The following CREB3L2 variants were observed in gnomAD, a reference collection of about 807,000 sequenced individuals.
The protein encoded by CREB3L2 is cyclic AMP-responsive element-binding protein 3-like protein 2.
Under a neutral mutation model 57.2 loss-of-function variants are expected in CREB3L2, and 23 were observed. That is an observed-to-expected ratio of 0.40 (90% CI 0.29 to 0.57). The LOEUF is 0.57. Among genes scored for constraint, CREB3L2 ranks in the 20% least tolerant of loss-of-function variants. The pLI is 0.42. For missense variants in CREB3L2, 628 were observed against 634.7 expected, an observed-to-expected ratio of 0.99 and a Z score of 0.11; for synonymous variants, 268 against 265.1, an observed-to-expected ratio of 1.01 and a Z score of -0.11.
intron 6 of CREB3L2, 116 bp from the exon 7 acceptor site, chr7:137,904,133 C>A: frequency 1.2e-6 from 1 of 850,300 alleles, no homozygotes; most frequent in Non-Finnish European, 2.0e-6. Flanking sequence ...CTGCAAGCTG[C>A]TTGCCATTTG....
At chr7:137,909,822 CAT>C (rs1799969764) in intron 4 of CREB3L2, among the ~76,000 whole-genome samples, 1 of 152,188 alleles carries the variant, frequency 6.6e-6, no homozygotes, top group African/African-American at 2.4e-5. Context: ...ATAATTCCCA[CAT>C]GTGGTGGGAG....
chr7:137,887,983 T>C (rs774809494), intron 8 of CREB3L2, among the ~76,000 whole-genome samples: 2 of 152,204 alleles, frequency 1.3e-5, no homozygotes, highest in Non-Finnish European at 2.9e-5. Flanking sequence ...GATAAAGTCT[T>C]GCTCTGTCGC....
At chr7:137,975,874 A>G (rs1801599321) in intron 1 of CREB3L2, among the ~76,000 whole-genome samples, 1 of 152,250 alleles carries the variant, frequency 6.6e-6, no homozygotes, top group African/African-American at 2.4e-5. Flanking sequence ...TTTGCCCTTA[A>G]AAGGCTGACC....
intron 1 of CREB3L2, among the ~76,000 whole-genome samples, chr7:137,969,644 TCCGG>T (rs1801470819): frequency 6.6e-6 from 1 of 151,836 alleles, no homozygotes; most frequent in Non-Finnish European, 1.5e-5. Flanking sequence ...AGCCACCGCG[TCCGG>T]CCTATGATTT....
chr7:137,979,586 C>T (rs994767466), intron 1 of CREB3L2, among the ~76,000 whole-genome samples: 5 of 152,060 alleles, frequency 3.3e-5, no homozygotes, highest in Non-Finnish European at 5.9e-5. Context: ...ATTAGCCGGG[C>T]GTGGTGGTGG....
At chr7:137,940,555 C>A (rs947511235) in intron 1 of CREB3L2, among the ~76,000 whole-genome samples, 1 of 152,188 alleles carries the variant, frequency 6.6e-6, no homozygotes, top group African/African-American at 2.4e-5. Context: ...ACTACAGACT[C>A]TCTAACAAGA....
At chr7:137,982,192 C>A (rs965374667) in intron 1 of CREB3L2, among the ~76,000 whole-genome samples, 26 of 152,216 alleles carry the variant, frequency 1.7e-4, no homozygotes, top group African/African-American at 5.3e-4. Flanking sequence ...ATATGCACTG[C>A]ACATACAATG....
chr7:137,976,147 T>C (rs1043218055), intron 1 of CREB3L2, among the ~76,000 whole-genome samples: 4 of 152,256 alleles, frequency 2.6e-5, no homozygotes, highest in African/African-American at 9.6e-5. Context: ...GGGTTCAATA[T>C]GGATATTTTA....
chr7:137,926,228 T>A, intron 2 of CREB3L2, among the ~76,000 whole-genome samples: 1 of 152,242 alleles, frequency 6.6e-6, no homozygotes. Context: ...ATCCCATTAC[T>A]GGGTATATAC....
chr7:137,926,786 G>A (rs1051846920), intron 2 of CREB3L2, among the ~76,000 whole-genome samples: 1 of 152,098 alleles, frequency 6.6e-6, no homozygotes, highest in Non-Finnish European at 1.5e-5. Context: ...CTGGGAATAG[G>A]AAATAGAGTT....
chr7:137,926,122 C>G (rs1295458270), intron 2 of CREB3L2, among the ~76,000 whole-genome samples: 2 of 152,204 alleles, frequency 1.3e-5, no homozygotes, highest in Non-Finnish European at 2.9e-5. Flanking sequence ...AACACTTTTA[C>G]ACTGTTGGTG....
At chr7:137,957,941 G>A in intron 1 of CREB3L2, 1 of 392,528 alleles carries the variant, frequency 2.5e-6, no homozygotes, top group South Asian at 2.1e-5. Context: ...CCTCCTCCCA[G>A]AAGGCAGGAA....
intron 4 of CREB3L2, among the ~76,000 whole-genome samples, chr7:137,912,233 TG>T (rs1800024834): frequency 6.6e-6 from 1 of 151,976 alleles, no homozygotes; most frequent in Admixed American, 6.5e-5. Flanking sequence ...CAAAATTAGC[TG>T]GGTGTGGTGG....
intron 1 of CREB3L2, among the ~76,000 whole-genome samples, chr7:137,968,508 G>C (rs1247715317): frequency 1.3e-5 from 2 of 152,164 alleles, no homozygotes; most frequent in Non-Finnish European, 2.9e-5. Flanking sequence ...ATGGTTTCTA[G>C]CTTCATGCAT....
At chr7:137,926,663 G>C (rs1237217105) in intron 2 of CREB3L2, among the ~76,000 whole-genome samples, 2 of 152,128 alleles carry the variant, frequency 1.3e-5, no homozygotes, top group African/African-American at 4.8e-5. Context: ...AAAAGATGCT[G>C]CCATATGTAC....
At chr7:137,951,695 A>G (rs1801102709) in intron 1 of CREB3L2, among the ~76,000 whole-genome samples, 1 of 152,224 alleles carries the variant, frequency 6.6e-6, no homozygotes, top group Non-Finnish European at 1.5e-5. Flanking sequence ...AGAAACACAC[A>G]AAACAGGCCA....
intron 10 of CREB3L2, chr7:137,884,693 C>T (rs1220088620): frequency 1.5e-5 from 9 of 593,360 alleles, no homozygotes; most frequent in Non-Finnish European, 2.7e-5. Flanking sequence ...TTTCCCTCAT[C>T]TGCTTCCCTC....
intron 1 of CREB3L2, among the ~76,000 whole-genome samples, chr7:137,988,563 C>T (rs1463054104): frequency 6.6e-6 from 1 of 152,180 alleles, no homozygotes; most frequent in Non-Finnish European, 1.5e-5. Context: ...CCTGATACTT[C>T]CTTAGTGGAA....
chr7:137,933,295 A>G (rs1286935301), intron 1 of CREB3L2, among the ~76,000 whole-genome samples: 1 of 152,224 alleles, frequency 6.6e-6, no homozygotes, highest in Non-Finnish European at 1.5e-5. Context: ...CTACAAGGTC[A>G]AGTCCCGATC....
Sources: allele counts gnomAD v4.1 joint callset (sites outside exome capture counted in the v4.1 genomes callset), GRCh38; gene constraint gnomAD v4.1.1; transcripts MANE v1.5; gene names NCBI Gene and HGNC (gene_info 2026-07-23, HGNC 2026-07-21).